Variants in AMOT observed in about 807,000 individuals in gnomAD.
AMOT encodes angiomotin.
In AMOT, 11 loss-of-function variants were observed where a neutral mutation model predicts 67.0. The observed-to-expected ratio is 0.16, with a 90% CI of 0.10 to 0.27. AMOT has a LOEUF of 0.27. Among genes scored for constraint, AMOT ranks in the 10% least tolerant of loss-of-function variants. The pLI is 1.00. For synonymous variants in AMOT, 326 were observed against 321.4 expected (o/e 1.01, Z -0.15); for missense variants, 753 against 852.0 (o/e 0.88, Z 1.45).
chrX:112,804,903 G>T, intron 8 of AMOT, 44 bp downstream of exon 8: 1 of 380,708 alleles, frequency 2.6e-6, no homozygotes, highest in Non-Finnish European at 5.1e-6. Context: ...CGATTTCCCA[G>T]CCCTCCCACC....
In AMOT at chrX:112,806,358, C is replaced by CGT. The variant is rs201848560; in HGVS notation, c.1631-1268_1631-1267dup. 4.8e-3 allele frequency among the ~76,000 whole-genome samples: 461 copies of CGT among 97,006 alleles called. 4 individuals carry two copies. Among genetic ancestry groups the CGT allele is most frequent in the African/African-American group, 0.012 (288 of 24,963 alleles). 84.2% of individuals were successfully genotyped at this position (97,006 alleles called of 115,157 possible). On this transcript the variant is annotated intron_variant, in intron 7 of 13. Coordinates refer to ENST00000371959, the MANE Select transcript of AMOT (RefSeq NM_001113490.2). The stretch of plus-strand genomic sequence containing the variant: ...TATGTATATATACATATGTATAAAA[C>CGT]GTGTGTGTATATATATATATATATA...
intron 2 of AMOT, among the ~76,000 whole-genome samples, chrX:112,826,006 T>TA (rs771537226): frequency 3.7e-5 from 4 of 108,765 alleles, no homozygotes; most frequent in Non-Finnish European, 7.6e-5. Context: ...AGTGTCTCAG[T>TA]AAAAAAAACT....
chrX:112,834,951 G>C (rs1935096385), intron 1 of AMOT, among the ~76,000 whole-genome samples: 1 of 112,095 alleles, frequency 8.9e-6, no homozygotes, highest in Non-Finnish European at 1.9e-5. Context: ...AAAGCCGAGA[G>C]GGCCAATAAT....
chrX:112,820,944 G>C (rs1390833952), intron 4 of AMOT, among the ~76,000 whole-genome samples: 1 of 106,651 alleles, frequency 9.4e-6, no homozygotes, highest in Non-Finnish European at 1.9e-5. Flanking sequence ...AAATCAACCT[G>C]GGTTAAGAGG....
At chrX:112,778,746 C>T in intron 13 of AMOT, 82 bp from the exon 14 acceptor site, 2 of 924,061 alleles carry the variant, frequency 2.2e-6, no homozygotes, top group Non-Finnish European at 3.0e-6. Flanking sequence ...TCAGAGCCCT[C>T]ATGAAGCCAA....
intron 3 of AMOT, 37 bp downstream of exon 3, chrX:112,825,035 G>GCACACACACACACACA (rs113171382): frequency 1.9e-5 from 2 of 103,667 alleles, no homozygotes; most frequent in Non-Finnish European, 3.9e-5. Flanking sequence ...ACGAGCGTGT[G>GCACACACACACACACA]CACACACACA....
intron 8 of AMOT, among the ~76,000 whole-genome samples, chrX:112,796,756 C>A (rs972568542): frequency 8.9e-6 from 1 of 111,766 alleles, no homozygotes; most frequent in Admixed American, 9.5e-5. Context: ...TGGTTCTCAA[C>A]TGGGGGCAAT....
In AMOT at chrX:112,815,611, T is replaced by G; in HGVS notation, c.1139A>C (p.Gln380Pro). The G allele has an allele frequency of 8.3e-7, 1 of 1,202,269 alleles. No individual in the cohort carries two copies. Among genetic ancestry groups the G allele is most frequent in the Non-Finnish European group, 1.1e-6 (1 of 890,119 alleles). ...SQPGLSQQQQ[Q>P]QQQQHHHHHH... ...GTGATGATGGTGCTGCTGCTGCTGT[T>G]GCTGCTGCTGCTGACTCAGGCCAGG... Residue 380 changes from glutamine (Q) to proline (P), a missense_variant, in exon 5 of 14, where the codon CAA becomes CCA. By Grantham distance (76) the Gln-to-Pro change is moderately conservative (BLOSUM62 -1). This residue lies in a region of AMOT where 297 missense variants were observed against 284.3 expected (regional missense o/e 1.04). Transcript: ENST00000371959.
chrX:112,782,442 G>A (rs1286215950), intron 11 of AMOT, 98 bp downstream of exon 11: 3 of 1,107,272 alleles, frequency 2.7e-6, no homozygotes, highest in Non-Finnish European at 3.7e-6. Context: ...GGTGGAGCGG[G>A]GAGGCTGCAT....
rs763451545 is a variant in AMOT, at chrX:112,775,391, A to G, written c.*3176T>C. 3.1e-4 allele frequency: 35 copies of G among 112,976 alleles called. No homozygotes were observed. The highest frequency in any genetic ancestry group is 1.1e-3 in the African/African-American group (34 of 31,076). The allele number at this position is 112,976 out of a possible 1,213,427, so 9.3% of individuals were successfully genotyped here. On this transcript the variant is annotated 3_prime_UTR_variant, in exon 14 of 14. Transcript: ENST00000371959. ...ATATAATTGATCAAAGTTAGTGCAT[A>G]TGTATACACTTTAAGCTGCCGCATT...
chrX:112,809,533 T>C (rs1401219138), intron 7 of AMOT, among the ~76,000 whole-genome samples: 1 of 111,227 alleles, frequency 9.0e-6, no homozygotes, highest in Non-Finnish European at 1.9e-5. Context: ...ATTAATCCCA[T>C]CTCTACCAGA....
chrX:112,834,430 T>C (rs1180220254), intron 1 of AMOT, among the ~76,000 whole-genome samples: 1 of 111,723 alleles, frequency 9.0e-6, no homozygotes, highest in African/African-American at 3.3e-5. Flanking sequence ...ATGCCTAAGG[T>C]TGATAGGGGG....
At position 112,786,529 on chromosome X, in the gene AMOT, C is replaced by A. The variant is rs190854420; in HGVS notation, c.2118-3867G>T. ...ATTTCCCCTCATCTATATTAAGCAT[C>A]TAGAGAGGACTCCCTAGGGACAAAA... On this transcript the variant is annotated intron_variant, in intron 10 of 13. Coordinates refer to ENST00000371959, the MANE Select transcript of AMOT (RefSeq NM_001113490.2). 5.4e-3 allele frequency among the ~76,000 whole-genome samples: 601 copies of A among 112,149 alleles called. 1 individual carries two copies. Among genetic ancestry groups the A allele is most frequent in the African/African-American group, 0.018 (566 of 30,893 alleles).
At chrX:112,815,105 T>C (rs1211644694) in intron 5 of AMOT, among the ~76,000 whole-genome samples, 1 of 112,076 alleles carries the variant, frequency 8.9e-6, no homozygotes, top group Non-Finnish European at 1.9e-5. Flanking sequence ...ACGTTTTCTT[T>C]AGGGCTATAG....
chrX:112,811,792 G>T (rs1281930216), intron 5 of AMOT, among the ~76,000 whole-genome samples: 1 of 111,788 alleles, frequency 8.9e-6, no homozygotes, highest in East Asian at 2.8e-4. Context: ...GTTGGTTCCA[G>T]TCTGCACTGA....
At chrX:112,783,691 A>C (rs200968793) in intron 10 of AMOT, among the ~76,000 whole-genome samples, 1 of 100,639 alleles carries the variant, frequency 9.9e-6, no homozygotes, top group East Asian at 3.1e-4. Flanking sequence ...AAGGAAAAAC[A>C]TGTGTGTGTG....
intron 10 of AMOT, among the ~76,000 whole-genome samples, chrX:112,788,692 T>TTAG (rs1366934656): frequency 1.8e-5 from 2 of 111,920 alleles, no homozygotes; most frequent in Non-Finnish European, 3.8e-5. Flanking sequence ...GTGGATTGGA[T>TTAG]TAGTAGCATG....
rs1396410880 is a variant in AMOT, at chrX:112,809,923, C to T, written c.1601G>A (p.Arg534Lys). The change falls in exon 7 of 14, where the codon AGA becomes AAA. Residue 534 changes from arginine to lysine, a missense_variant. Arg to Lys is a conservative substitution (Grantham distance 26). This residue lies in a region of AMOT where 297 missense variants were observed against 284.3 expected (regional missense o/e 1.04). Coordinates refer to ENST00000371959, the MANE Select transcript of AMOT (RefSeq NM_001113490.2). Reference protein sequence around the residue: ...EKEYEGSEDTRKTISQLFAKN... With the variant: ...EKEYEGSEDTKKTISQLFAKN... ...TGCAAAGAGCTGCGAGATGGTTTTT[C>T]TGGTGTCCTCTGACCCCTCATATTC... 7 of 1,211,424 alleles carry T rather than the reference C, an allele frequency of 5.8e-6. No homozygotes were observed. Among genetic ancestry groups the T allele is most frequent in the Admixed American group, 2.2e-5 (1 of 46,044 alleles).
At chrX:112,815,938 G>A in intron 4 of AMOT, 61 bp from the exon 5 acceptor site, 3 of 1,127,376 alleles carry the variant, frequency 2.7e-6, no homozygotes, top group Non-Finnish European at 3.5e-6. Flanking sequence ...GGGGAGAAGG[G>A]CACACAAAAG....
Sources: gnomAD v4.1 joint callset for allele counts (sites outside exome capture counted in the v4.1 genomes callset) on GRCh38, gnomAD v4.1.1 for gene constraint, gnomAD v4.1.1 regional missense constraint, MANE v1.5 for transcripts, NCBI Gene and HGNC (gene_info 2026-07-23, HGNC 2026-07-21) for gene names.